Variants in NCAM2 observed in about 807,000 individuals in gnomAD.
NCAM2 encodes neural cell adhesion molecule 2.
NCAM2 carries 30 observed loss-of-function variants against 98.1 expected under a neutral mutation model. That is an observed-to-expected ratio of 0.31 (90% CI 0.23 to 0.41). The LOEUF is 0.41. Ranked by LOEUF, NCAM2 falls within the 10% of genes least tolerant of loss-of-function variation. NCAM2 has a pLI of 1.00. For missense variants in NCAM2, 867 were observed against 1,005.8 expected (o/e 0.86, Z 1.87); for synonymous variants, 368 against 342.4 (o/e 1.07, Z -0.83).
rs1340444838 is a variant in NCAM2 at position 21,447,126 on chromosome 21, G to A, written c.1654+14845G>A. Among the ~76,000 whole-genome samples the A allele has an allele frequency of 2.0e-5, 3 of 152,060 alleles. No individual in the cohort carries two copies. The East Asian group carries it at 5.8e-4, about 29-fold the overall frequency. On this transcript the variant is annotated intron_variant, in intron 12 of 17. Coordinates refer to ENST00000400546, the MANE Select transcript of NCAM2 (RefSeq NM_004540.5). ...CTAAGCAAAAAGAACAAAGCTAGAG[G>A]CATCAAGCTACCTGACTTCAAAATA... is the stretch of plus-strand genomic sequence containing the variant.
At chr21:21,042,861 A>G (rs993460442) in intron 1 of NCAM2, among the ~76,000 whole-genome samples, 4 of 152,234 alleles carry the variant, frequency 2.6e-5, no homozygotes, top group African/African-American at 9.6e-5. Flanking sequence ...TATTTATCTC[A>G]GAGAACATAT....
intron 1 of NCAM2, among the ~76,000 whole-genome samples, chr21:21,146,536 ATACT>A (rs1319317717): frequency 1.7e-5 from 2 of 117,508 alleles, no homozygotes; most frequent in Non-Finnish European, 3.4e-5. Context: ...ATTATATAAA[ATACT>A]TACAGGATAT....
At chr21:21,081,405 G>A (rs2065795604) in intron 1 of NCAM2, among the ~76,000 whole-genome samples, 1 of 152,076 alleles carries the variant, frequency 6.6e-6, no homozygotes, top group South Asian at 2.1e-4. Context: ...ACCATCACCT[G>A]ATGGTTGCCT....
intron 16 of NCAM2, among the ~76,000 whole-genome samples, chr21:21,510,906 G>A (rs1602529843): frequency 6.6e-6 from 1 of 151,796 alleles, no homozygotes; most frequent in African/African-American, 2.4e-5. Context: ...TATTATCTAC[G>A]TCTCCTTTCC....
chr21:21,272,491 CACACAT>C (rs1467481193), intron 1 of NCAM2, among the ~76,000 whole-genome samples: 3 of 102,334 alleles, frequency 2.9e-5, no homozygotes, highest in African/African-American at 1.1e-4. Context: ...CACACATACA[CACACAT>C]GCGCGCGCGC....
At chr21:21,265,449 CACAT>C (rs745721666) in intron 1 of NCAM2, among the ~76,000 whole-genome samples, 2 of 127,840 alleles carry the variant, frequency 1.6e-5, no homozygotes, top group Admixed American at 1.6e-4. Flanking sequence ...TATATATACA[CACAT>C]ATATAATATA....
intron 1 of NCAM2, among the ~76,000 whole-genome samples, chr21:21,260,798 T>C (rs62209215): frequency 0.37 from 55,873 of 151,860 alleles, 10,680 homozygotes; most frequent in Non-Finnish European, 0.4. Flanking sequence ...ATTACATGAC[T>C]GAGACTACAA....
chr21:21,036,829 A>G (rs1234374961), intron 1 of NCAM2, among the ~76,000 whole-genome samples: 1 of 152,206 alleles, frequency 6.6e-6, no homozygotes, highest in Non-Finnish European at 1.5e-5. Context: ...AATAGATGGT[A>G]GCCTGAAGTT....
intron 1 of NCAM2, among the ~76,000 whole-genome samples, chr21:21,185,376 C>T (rs932341351): frequency 6.6e-5 from 10 of 152,080 alleles, no homozygotes; most frequent in African/African-American, 2.4e-4. Flanking sequence ...CCATTTTCTT[C>T]AGGTACTCAA....
In NCAM2 at chr21:20,998,545, C is replaced by A. The variant is rs761621107; in HGVS notation, c.-19C>A. ...GACTTAATAACTTTGAAACTGTCCA[C>A]CGGTGTCACGTCCTGAACATGAGCC... On this transcript the variant is annotated 5_prime_UTR_variant, in exon 1 of 18. Transcript: ENST00000400546. 6.2e-7 allele frequency: 1 copy of A among 1,613,204 alleles called. No individual in the cohort carries two copies. Among genetic ancestry groups the A allele is most frequent in the South Asian group, 1.1e-5 (1 of 91,068 alleles).
chr21:21,241,034 CAT>C (rs1401176137), intron 1 of NCAM2, among the ~76,000 whole-genome samples: 1 of 152,016 alleles, frequency 6.6e-6, no homozygotes, highest in Non-Finnish European at 1.5e-5. Context: ...ATGACAATAT[CAT>C]AGTGATTTGA....
At chr21:21,364,671 C>T (rs1028575397) in intron 8 of NCAM2, among the ~76,000 whole-genome samples, 2 of 151,678 alleles carry the variant, frequency 1.3e-5, no homozygotes, top group African/African-American at 4.8e-5. Flanking sequence ...TATACACATA[C>T]ATCTATATAT....
At chr21:21,319,350 A>C (rs1298713136) in intron 5 of NCAM2, among the ~76,000 whole-genome samples, 1 of 152,340 alleles carries the variant, frequency 6.6e-6, no homozygotes, top group East Asian at 1.9e-4. Context: ...ATTAATAAAA[A>C]TAACTAACCA....
chr21:21,048,146 A>G (rs1224098755), intron 1 of NCAM2, among the ~76,000 whole-genome samples: 1 of 152,148 alleles, frequency 6.6e-6, no homozygotes, highest in Non-Finnish European at 1.5e-5. Flanking sequence ...ACATTTTACA[A>G]CCTGCTCTCT....
intron 1 of NCAM2, among the ~76,000 whole-genome samples, chr21:21,064,777 G>C (rs191524094): frequency 1.3e-5 from 2 of 152,250 alleles, no homozygotes. Context: ...TTACATATGG[G>C]ACTGCTACTA....
At chr21:21,522,940 G>C (rs1438493769) in intron 16 of NCAM2, among the ~76,000 whole-genome samples, 1 of 152,044 alleles carries the variant, frequency 6.6e-6, no homozygotes, top group Non-Finnish European at 1.5e-5. Context: ...AAGTTCTTCA[G>C]AGCAGAAAAA....
chr21:21,052,554 A>T (rs1246871482), intron 1 of NCAM2, among the ~76,000 whole-genome samples: 2 of 152,110 alleles, frequency 1.3e-5, no homozygotes, highest in African/African-American at 4.8e-5. Context: ...AGAAAAAAAA[A>T]ATCTGAGGAA....
intron 14 of NCAM2, 42 bp from the exon 15 acceptor site, chr21:21,477,249 G>T (rs368251183): frequency 3.4e-5 from 49 of 1,461,600 alleles, no homozygotes; most frequent in Non-Finnish European, 4.4e-5. Context: ...TGTCACTTTA[G>T]TGTATGGATA....
At chr21:21,493,564 G>T (rs1369783464) in intron 15 of NCAM2, among the ~76,000 whole-genome samples, 1 of 151,806 alleles carries the variant, frequency 6.6e-6, no homozygotes, top group East Asian at 1.9e-4. Context: ...ATCACCCAAA[G>T]TTTACAGTTT....
Sources: gnomAD v4.1 joint callset for allele counts (sites outside exome capture counted in the v4.1 genomes callset) on GRCh38, gnomAD v4.1.1 for gene constraint, MANE v1.5 for transcripts, NCBI Gene and HGNC (gene_info 2026-07-23, HGNC 2026-07-21) for gene names.